The following DPP6 variants were observed in gnomAD, a reference collection of about 807,000 sequenced individuals.
The protein encoded by DPP6 is A-type potassium channel modulatory protein DPP6.
DPP6 carries 69 observed loss-of-function variants against 122.6 expected under a neutral mutation model. The ratio of observed to expected loss-of-function variants is 0.56; its 90% CI spans 0.46 to 0.69. The LOEUF (loss-of-function observed/expected upper bound fraction) is 0.69. DPP6 is among the 30% of genes least tolerant of loss of function. The pLI is 0.00. For synonymous variants in DPP6, 418 were observed against 433.1 expected (o/e 0.97, Z 0.43); for missense variants, 928 against 1,116.9 (o/e 0.83, Z 2.41).
chr7:154,054,780 C>A (rs1800673080), intron 1 of DPP6, among the ~76,000 whole-genome samples: 1 of 148,808 alleles, frequency 6.7e-6, no homozygotes, highest in African/African-American at 2.5e-5. Flanking sequence ...TACCTTAAAT[C>A]TGACTTAAAA....
At chr7:154,695,062 C>T (rs187175822) in intron 7 of DPP6, among the ~76,000 whole-genome samples, 2 of 152,234 alleles carry the variant, frequency 1.3e-5, no homozygotes, top group East Asian at 3.9e-4. Flanking sequence ...AAATAGACCC[C>T]GTGGGTGGGT....
intron 1 of DPP6, among the ~76,000 whole-genome samples, chr7:154,001,340 A>G (rs1026327184): frequency 2.0e-5 from 3 of 146,854 alleles, no homozygotes; most frequent in Admixed American, 1.4e-4. Flanking sequence ...TCAATTATGT[A>G]TGTACTTATG....
In DPP6 at chr7:154,422,517, C is replaced by T. The variant is rs141907706; in HGVS notation, c.244-23697C>T. Among the ~76,000 whole-genome samples, 504 of 152,202 alleles carry T rather than the reference C, an allele frequency of 3.3e-3. 12 individuals carry two copies. Among genetic ancestry groups the T allele is most frequent in the Admixed American group, 0.025 (386 of 15,290 alleles). ...AAGGGCAATGATCACCTTCAAAAAACACACAATTTTCGCTAGTTAATGCCA... is the reference window on the plus strand; with the variant it reads ...AAGGGCAATGATCACCTTCAAAAAATACACAATTTTCGCTAGTTAATGCCA... On this transcript the variant is annotated intron_variant, in intron 1 of 25. Coordinates refer to ENST00000377770, the MANE Select transcript of DPP6 (RefSeq NM_130797.4).
At chr7:154,695,438 G>A (rs1191954757) in intron 7 of DPP6, among the ~76,000 whole-genome samples, 1 of 152,210 alleles carries the variant, frequency 6.6e-6, no homozygotes, top group Non-Finnish European at 1.5e-5. Context: ...ATACATACAT[G>A]ACAGAAACTA....
rs1420249925 is a variant in DPP6 at position 154,875,557 on chromosome 7, C to G, written c.1884-349C>G. Among the ~76,000 whole-genome samples, 1 of 152,178 alleles carries G rather than the reference C, an allele frequency of 6.6e-6. No homozygotes were observed. Among genetic ancestry groups the G allele is most frequent in the Non-Finnish European group, 1.5e-5 (1 of 68,024 alleles). On this transcript the variant is annotated intron_variant, in intron 19 of 25. Coordinates refer to ENST00000377770, the MANE Select transcript of DPP6 (RefSeq NM_130797.4). This position sits in a 1 kb window ranked among gnomAD's most constrained non-coding sequence, Gnocchi z 4.5. ...CATCTAGAACCCAGGAAAGAGAAAC[C>G]TTCTTGCCGTGTAGGGAAGGTCCCC...
intron 7 of DPP6, among the ~76,000 whole-genome samples, chr7:154,726,140 G>T (rs1206355008): frequency 6.6e-6 from 1 of 152,184 alleles, no homozygotes; most frequent in African/African-American, 2.4e-5. Flanking sequence ...TTTTCCAGAT[G>T]CATGCTGCAA....
chr7:154,612,001 A>G (rs192857803), intron 5 of DPP6, among the ~76,000 whole-genome samples: 75 of 152,338 alleles, frequency 4.9e-4, no homozygotes, highest in African/African-American at 1.8e-3. Context: ...CTCCACTGCA[A>G]TAGTGCTGGG....
chr7:154,078,421 C>G (rs1803728173), intron 1 of DPP6, among the ~76,000 whole-genome samples: 1 of 151,910 alleles, frequency 6.6e-6, no homozygotes, highest in Non-Finnish European at 1.5e-5. Flanking sequence ...TCACATATAT[C>G]TTTCACCTTG....
chr7:154,627,410 G>C (rs1210978840), intron 5 of DPP6, among the ~76,000 whole-genome samples: 1 of 151,460 alleles, frequency 6.6e-6, no homozygotes, highest in South Asian at 2.1e-4. Flanking sequence ...ATGTTGGCCA[G>C]GCTGGTCTCG....
chr7:154,774,348 T>A (rs775006582), intron 10 of DPP6, among the ~76,000 whole-genome samples: 4 of 152,222 alleles, frequency 2.6e-5, no homozygotes, highest in Non-Finnish European at 5.9e-5. Context: ...TGTTTTCCTT[T>A]CAGCCCCCAT....
chr7:154,804,900 C>T lies in DPP6; in HGVS notation c.1500-17C>T. 1 of 1,598,172 alleles carries T rather than the reference C, an allele frequency of 6.3e-7. No homozygotes were observed. Among genetic ancestry groups the T allele is most frequent in the South Asian group, 1.1e-5 (1 of 87,830 alleles). On this transcript the variant is annotated splice_polypyrimidine_tract_variant and intron_variant, in intron 14 of 25. Coordinates refer to ENST00000377770, the MANE Select transcript of DPP6 (RefSeq NM_130797.4). Reference sequence around the variant, plus strand: ...CTTGGAGCAAACTAACCCTGTGCACCTTGGTGATCTTTGCAGCTACTTCCT... The same window carrying T: ...CTTGGAGCAAACTAACCCTGTGCACTTTGGTGATCTTTGCAGCTACTTCCT...
At chr7:154,176,775 T>C (rs1797823443) in intron 1 of DPP6, among the ~76,000 whole-genome samples, 1 of 152,232 alleles carries the variant, frequency 6.6e-6, no homozygotes, top group African/African-American at 2.4e-5. Context: ...GCCTGGGGCT[T>C]TCAGGGACAC....
At chr7:154,340,173 A>G (rs916430205) in intron 1 of DPP6, among the ~76,000 whole-genome samples, 8 of 152,230 alleles carry the variant, frequency 5.3e-5, no homozygotes, top group Non-Finnish European at 1.2e-4. Flanking sequence ...CAAAAATCAA[A>G]TATTTGGCAG....
Position 154,127,567 on chromosome 7 carries a change from G to C in DPP6, c.243+74504G>C, listed in dbSNP as rs917593420. On this transcript the variant is annotated intron_variant, in intron 1 of 25. Coordinates refer to ENST00000377770, the MANE Select transcript of DPP6 (RefSeq NM_130797.4). The stretch of plus-strand genomic sequence containing the variant: ...TTGCCTCCGGCTTTCTGGTCATGCT[G>C]GGGGAGTTGGGGTAAACAGGAGCAG... Among the ~76,000 whole-genome samples the C allele has an allele frequency of 4.8e-4, 72 of 150,870 alleles. 1 individual carries two copies. The highest frequency in any genetic ancestry group is 8.5e-4 in the Non-Finnish European group (58 of 67,888).
intron 6 of DPP6, among the ~76,000 whole-genome samples, chr7:154,664,719 C>A (rs1467276064): frequency 6.7e-6 from 1 of 149,582 alleles, no homozygotes; most frequent in African/African-American, 2.5e-5. Flanking sequence ...AATTATCTGA[C>A]TTTTCATTCC....
At chr7:154,454,793 G>T (rs918554015) in intron 2 of DPP6, among the ~76,000 whole-genome samples, 3 of 152,204 alleles carry the variant, frequency 2.0e-5, no homozygotes, top group African/African-American at 7.2e-5. Flanking sequence ...GGCATTGTGT[G>T]CACATAAACA....
the DPP6 span, among the ~76,000 whole-genome samples, chr7:153,791,984 A>G: frequency 0.36 from 54,167 of 150,906 alleles, 8,730 homozygotes; most frequent in South Asian, 0.45. Flanking sequence ...TGTGCTCTCC[A>G]CAAACAGTGC....
chr7:154,178,289 A>C (rs910429377), intron 1 of DPP6, among the ~76,000 whole-genome samples: 1 of 152,122 alleles, frequency 6.6e-6, no homozygotes, highest in African/African-American at 2.4e-5. Context: ...CAAAGAAGTC[A>C]CTGTTGAACA....
rs537511872 is a variant in DPP6 at position 154,405,184 on chromosome 7, A to G, written c.244-41030A>G. Among the ~76,000 whole-genome samples, 5 of 152,266 alleles carry G rather than the reference A, an allele frequency of 3.3e-5. No individual in the cohort carries two copies. In the East Asian group the frequency reaches 9.7e-4, roughly 29 times the overall value. ...TGTAGATGAAGAAACTATGACTTGG[A>G]GAGTTTATTAGCTCAAGCAACAATC... On this transcript the variant is annotated intron_variant, in intron 1 of 25. Transcript: ENST00000377770.
Sources: allele counts gnomAD v4.1 joint callset (sites outside exome capture counted in the v4.1 genomes callset), GRCh38; gene constraint gnomAD v4.1.1; non-coding constraint Gnocchi (gnomAD v3.1); transcripts MANE v1.5; gene names NCBI Gene and HGNC (gene_info 2026-07-23, HGNC 2026-07-21).